CACNA1A: variants seen among roughly 807,000 people sequenced by gnomAD.
CACNA1A encodes the protein calcium voltage-gated channel subunit alpha1 A.
In CACNA1A, 57 loss-of-function variants were observed where a neutral mutation model predicts 262.4. The ratio of observed to expected loss-of-function variants is 0.22; its 90% CI spans 0.18 to 0.27. CACNA1A has a LOEUF of 0.27. Among genes scored for constraint, CACNA1A ranks in the 10% least tolerant of loss-of-function variants. The pLI is 1.00. For missense variants in CACNA1A, 2,526 were observed against 3,562.8 expected (o/e 0.71, Z 7.41); for synonymous variants, 1,431 against 1,419.3 (o/e 1.01, Z -0.18).
intron 46 of CACNA1A, among the ~76,000 whole-genome samples, 165 bp downstream of exon 46, chr19:13,208,591 C>T (rs972677823): frequency 8.6e-5 from 13 of 152,028 alleles, no homozygotes; most frequent in African/African-American, 2.7e-4. Flanking sequence ...GATCCGTGTC[C>T]GCTCCGGCCG....
chr19:13,310,506 ATATATAT>A (rs2058008882), intron 12 of CACNA1A, among the ~76,000 whole-genome samples: 5 of 35,894 alleles, frequency 1.4e-4, no homozygotes, highest in African/African-American at 2.3e-4. Flanking sequence ...ATATATATAT[ATATATAT>A]GTAGAGAGAG....
intron 31 of CACNA1A, among the ~76,000 whole-genome samples, chr19:13,237,712 C>T (rs866962260): frequency 1.3e-5 from 2 of 152,242 alleles, no homozygotes; most frequent in East Asian, 1.9e-4. Context: ...TCCAGTGCCT[C>T]GAACAAGCCC....
chr19:13,401,491 C>T (rs1458681113), intron 3 of CACNA1A, among the ~76,000 whole-genome samples: 1 of 152,188 alleles, frequency 6.6e-6, no homozygotes, highest in Non-Finnish European at 1.5e-5. Flanking sequence ...ACATGGTGAG[C>T]TTCCCACTAA....
intron 6 of CACNA1A, among the ~76,000 whole-genome samples, chr19:13,355,491 G>A (rs1228749838): frequency 1.3e-5 from 2 of 152,218 alleles, no homozygotes; most frequent in Non-Finnish European, 2.9e-5. Context: ...AAGGTGGCAA[G>A]TGAAGGGTGT....
Position 13,241,551 on chromosome 19 carries a change from GGGGAGCGGGCGGGC to G in CACNA1A, c.4950+3617_4950+3630del. ...TCTAGATGCAGATGTTGAAGATGAG[GGGGAGCGGGCGGGC>G]GGGGGCAGTTGGGGAGGCGTGTTCA... On this transcript the variant is annotated intron_variant, in intron 31 of 46. Transcript: ENST00000360228. The surrounding 1 kb of genome is among the most constrained non-coding windows in gnomAD (Gnocchi z 4.0). 1 of 1,400,922 alleles carries G rather than the reference GGGGAGCGGGCGGGC, an allele frequency of 7.1e-7. No individual in the cohort carries two copies. Among genetic ancestry groups the G allele is most frequent in the Non-Finnish European group, 9.8e-7 (1 of 1,018,298 alleles). 86.8% of individuals were successfully genotyped at this position (1,400,922 alleles called of 1,614,324 possible).
intron 16 of CACNA1A, 21 bp from the exon 17 acceptor site, chr19:13,303,634 A>G: frequency 6.2e-7 from 1 of 1,610,264 alleles, no homozygotes; most frequent in Non-Finnish European, 8.5e-7. Context: ...CTGAGTCAGG[A>G]AAAGCAACCA....
At chr19:13,383,372 A>T (rs2059554298) in intron 3 of CACNA1A, among the ~76,000 whole-genome samples, 1 of 152,148 alleles carries the variant, frequency 6.6e-6, no homozygotes, top group Non-Finnish European at 1.5e-5. Context: ...GGAGATGGGG[A>T]AGATGGAGGA....
intron 1 of CACNA1A, among the ~76,000 whole-genome samples, chr19:13,486,148 G>A (rs1466010594): frequency 1.3e-5 from 2 of 152,170 alleles, no homozygotes; most frequent in African/African-American, 4.8e-5. Flanking sequence ...GCGTACTTAG[G>A]TGGTACAACC....
chr19:13,489,460 TG>T (rs1180994173), intron 1 of CACNA1A, among the ~76,000 whole-genome samples: 4 of 152,174 alleles, frequency 2.6e-5, no homozygotes, highest in Non-Finnish European at 4.4e-5. Context: ...GGCCAATTTT[TG>T]TATTTTTTTG....
At chr19:13,276,656 G>C (rs1016205326) in intron 23 of CACNA1A, among the ~76,000 whole-genome samples, 2 of 151,750 alleles carry the variant, frequency 1.3e-5, no homozygotes, top group African/African-American at 2.4e-5. Flanking sequence ...CCTCTCAAGG[G>C]GGGCATTCTT....
Position 13,308,454 on chromosome 19 carries a change from T to C in CACNA1A, c.1743A>G (p.Leu581=). The C allele has an allele frequency of 6.2e-7, 1 of 1,613,470 alleles. No individual in the cohort carries two copies. The highest frequency in any genetic ancestry group is 8.5e-7 in the Non-Finnish European group (1 of 1,179,648). ...KPGTSFGISV[L]RALRLLRIFK... is the part of the protein sequence containing the mutation. ...AAATACGCAATAACCTGAGGGCTCG[T>C]AACACGCTGATTCCAAAGGATGTGC... The change falls in exon 13 of 47, where the codon TTA becomes TTG. Residue 581 remains leucine, a synonymous_variant. Coordinates refer to ENST00000360228, the MANE Select transcript of CACNA1A (RefSeq NM_001127222.2). This position sits in a 1 kb window ranked among gnomAD's most constrained non-coding sequence, Gnocchi z 4.2.
chr19:13,356,648 T>C (rs1193337726), intron 6 of CACNA1A, among the ~76,000 whole-genome samples: 5 of 152,114 alleles, frequency 3.3e-5, no homozygotes, highest in Non-Finnish European at 7.4e-5. Flanking sequence ...CCCTGTGACA[T>C]ATCCCTTTTT....
intron 38 of CACNA1A, among the ~76,000 whole-genome samples, chr19:13,220,307 A>T (rs564775686): frequency 1.3e-4 from 20 of 151,930 alleles, no homozygotes; most frequent in Non-Finnish European, 2.6e-4. Context: ...AAATACAGAG[A>T]TGATCAGGGT....
At chr19:13,235,538 G>T in intron 32 of CACNA1A, 76 bp downstream of exon 32, 1 of 1,040,166 alleles carries the variant, frequency 9.6e-7, no homozygotes, top group South Asian at 1.3e-5. Context: ...CTTCCAATCT[G>T]ACTTCTACAT....
intron 6 of CACNA1A, among the ~76,000 whole-genome samples, chr19:13,336,565 G>C (rs2058568257): frequency 6.8e-6 from 1 of 148,012 alleles, no homozygotes; most frequent in Admixed American, 6.9e-5. Context: ...TTGGGGGGTG[G>C]AGAGAGAAAG....
At chr19:13,464,541 C>T (rs2061185750) in intron 1 of CACNA1A, among the ~76,000 whole-genome samples, 1 of 137,728 alleles carries the variant, frequency 7.3e-6, no homozygotes, top group South Asian at 2.2e-4. Context: ...ATAACTTTTC[C>T]AATTTTTTTT....
chr19:13,270,666 A>G (rs1255764166), intron 24 of CACNA1A, among the ~76,000 whole-genome samples: 1 of 152,152 alleles, frequency 6.6e-6, no homozygotes, highest in Non-Finnish European at 1.5e-5. Flanking sequence ...GAATGGCTTG[A>G]TCAAGGCACC....
chr19:13,361,310 G>A (rs576130420), intron 5 of CACNA1A, among the ~76,000 whole-genome samples: 2 of 152,274 alleles, frequency 1.3e-5, no homozygotes, highest in East Asian at 1.9e-4. Flanking sequence ...ACAGCTTCCT[G>A]GGGAGGTGGC....
At chr19:13,488,833 G>A (rs528531586) in intron 1 of CACNA1A, among the ~76,000 whole-genome samples, 68 of 151,946 alleles carry the variant, frequency 4.5e-4, no homozygotes, top group African/African-American at 1.6e-3. Flanking sequence ...AAGCTCCCAG[G>A]AGATGCTAAT....
Sources: allele counts gnomAD v4.1 joint callset (sites outside exome capture counted in the v4.1 genomes callset), GRCh38; gene constraint gnomAD v4.1.1; non-coding constraint Gnocchi (gnomAD v3.1); transcripts MANE v1.5; gene names NCBI Gene and HGNC (gene_info 2026-07-23, HGNC 2026-07-21).